Variants in SMYD3 observed in about 807,000 individuals in gnomAD.
The protein encoded by SMYD3 is SET and MYND domain containing 3.
SMYD3 carries 36 observed loss-of-function variants against 57.7 expected under a neutral mutation model. The observed-to-expected ratio is 0.62, with a 90% CI of 0.48 to 0.82. The LOEUF (loss-of-function observed/expected upper bound fraction) is 0.82. SMYD3 is among the 40% of genes least tolerant of loss of function. SMYD3 has a pLI of 0.00. For missense variants in SMYD3, 515 were observed against 538.8 expected, an observed-to-expected ratio of 0.96 and a Z score of 0.44; for synonymous variants, 211 against 195.0, an observed-to-expected ratio of 1.08 and a Z score of -0.68.
chr1:246,315,079 C>G (rs551142502), intron 5 of SMYD3, among the ~76,000 whole-genome samples: 2 of 152,176 alleles, frequency 1.3e-5, no homozygotes, highest in Admixed American at 1.3e-4. Context: ...TTCCCCCTCT[C>G]TAAGCCACAA....
chr1:246,265,087 T>C (rs2064079062), intron 5 of SMYD3, among the ~76,000 whole-genome samples: 1 of 152,234 alleles, frequency 6.6e-6, no homozygotes, highest in Non-Finnish European at 1.5e-5. Context: ...TTAATTGCTC[T>C]TGCACTGTTC....
intron 5 of SMYD3, among the ~76,000 whole-genome samples, chr1:245,948,300 A>C (rs1485739658): frequency 6.6e-6 from 1 of 152,214 alleles, no homozygotes; most frequent in Non-Finnish European, 1.5e-5. Context: ...AACAGAGAAC[A>C]GTGGAATTCA....
chr1:246,471,771 C>A (rs758786470), intron 1 of SMYD3, among the ~76,000 whole-genome samples: 1 of 152,180 alleles, frequency 6.6e-6, no homozygotes. Flanking sequence ...TAGATCATTA[C>A]ATTTGCATAG....
At chr1:246,122,071 A>G (rs969155483) in intron 5 of SMYD3, among the ~76,000 whole-genome samples, 1 of 152,054 alleles carries the variant, frequency 6.6e-6, no homozygotes, top group Non-Finnish European at 1.5e-5. Context: ...TAATTAAAAA[A>G]AAAAAGAATC....
intron 5 of SMYD3, among the ~76,000 whole-genome samples, chr1:246,218,889 C>T (rs544180872): frequency 6.6e-6 from 1 of 152,262 alleles, no homozygotes; most frequent in Non-Finnish European, 1.5e-5. Flanking sequence ...CAATCACATG[C>T]TTCTGGAAAA....
chr1:246,298,935 C>A (rs1399951369), intron 5 of SMYD3, among the ~76,000 whole-genome samples: 1 of 151,978 alleles, frequency 6.6e-6, no homozygotes, highest in Non-Finnish European at 1.5e-5. Context: ...TTAAGATTGG[C>A]AAGGATGAAA....
chr1:246,278,042 GA>G (rs2064368352), intron 5 of SMYD3, among the ~76,000 whole-genome samples: 1 of 152,160 alleles, frequency 6.6e-6, no homozygotes, highest in Non-Finnish European at 1.5e-5. Flanking sequence ...AAACAGAAAT[GA>G]GGAAGGGAGT....
intron 5 of SMYD3, chr1:246,111,233 C>T (rs1259368585): frequency 6.6e-6 from 1 of 152,166 alleles, no homozygotes; most frequent in Non-Finnish European, 1.5e-5. Flanking sequence ...CAGGTGCTTT[C>T]ACCAGTGATG....
chr1:245,761,379 A>C (rs1419048508), intron 11 of SMYD3, among the ~76,000 whole-genome samples: 1 of 152,192 alleles, frequency 6.6e-6, no homozygotes, highest in Admixed American at 6.5e-5. Context: ...TGTAAAGGGC[A>C]GTAAGAGGGT....
intron 11 of SMYD3, among the ~76,000 whole-genome samples, chr1:245,757,503 C>A (rs1037904906): frequency 2.0e-5 from 3 of 151,998 alleles, no homozygotes; most frequent in African/African-American, 7.3e-5. Context: ...ATCACTATGC[C>A]CAATGTCATG....
intron 5 of SMYD3, chr1:246,189,019 T>C (rs1178818080): frequency 6.6e-6 from 1 of 152,002 alleles, no homozygotes; most frequent in Non-Finnish European, 1.5e-5. Flanking sequence ...ATGTTAAAAA[T>C]ATGAAGTGTT....
intron 5 of SMYD3, among the ~76,000 whole-genome samples, chr1:245,993,211 T>C (rs1052233611): frequency 9.8e-5 from 15 of 152,308 alleles, no homozygotes; most frequent in Non-Finnish European, 1.9e-4. Flanking sequence ...CAATGTTCAC[T>C]GCTGTGTAAG....
At chr1:246,381,536 T>C (rs1460331899) in intron 1 of SMYD3, among the ~76,000 whole-genome samples, 1 of 152,142 alleles carries the variant, frequency 6.6e-6, no homozygotes, top group Non-Finnish European at 1.5e-5. Flanking sequence ...GATGTTCTCA[T>C]ACCATGAAGG....
intron 1 of SMYD3, among the ~76,000 whole-genome samples, chr1:246,368,857 A>G (rs1438789848): frequency 1.3e-5 from 2 of 152,176 alleles, no homozygotes; most frequent in African/African-American, 4.8e-5. Context: ...CAAGTTCTTC[A>G]GTTTTGGGAC....
At chr1:246,316,541 G>GTTTT (rs112553747) in intron 5 of SMYD3, among the ~76,000 whole-genome samples, 7 of 107,338 alleles carry the variant, frequency 6.5e-5, no homozygotes, top group African/African-American at 1.1e-4. Context: ...TGTTGTTTTG[G>GTTTT]TTTTTTTTTT....
intron 11 of SMYD3, among the ~76,000 whole-genome samples, chr1:245,754,420 C>T (rs1390121615): frequency 4.6e-5 from 7 of 151,318 alleles, no homozygotes; most frequent in East Asian, 1.9e-4. Context: ...CAAATCACGA[C>T]GGGAAAAAAT....
Position 245,908,378 on chromosome 1 carries a change from CAGAG to C in SMYD3, c.813+7148_813+7151del, listed in dbSNP as rs1158464901. Among the ~76,000 whole-genome samples the C allele has an allele frequency of 5.3e-5, 8 of 152,308 alleles. No homozygotes were observed. The East Asian group carries it at 1.2e-3, about 22-fold the overall frequency. On this transcript the variant is annotated intron_variant, in intron 8 of 11. Coordinates refer to ENST00000490107, the MANE Select transcript of SMYD3 (RefSeq NM_001167740.2). The stretch of plus-strand genomic sequence containing the variant: ...ACAAATATTATTAGGGCTAAATAGA[CAGAG>C]AGACCCCAATACACTAATAGTTGGG...
chr1:245,984,451 AAGGG>A, intron 5 of SMYD3, among the ~76,000 whole-genome samples: 1 of 152,218 alleles, frequency 6.6e-6, no homozygotes, highest in Admixed American at 6.5e-5. Flanking sequence ...CCTCCTGTGC[AAGGG>A]CATGTGCACT....
intron 5 of SMYD3, among the ~76,000 whole-genome samples, chr1:246,176,173 A>G (rs951523788): frequency 6.6e-6 from 1 of 152,138 alleles, no homozygotes; most frequent in African/African-American, 2.4e-5. Context: ...TAACCACAAA[A>G]TAATAATTCT....
Sources: gnomAD v4.1 joint callset for allele counts (sites outside exome capture counted in the v4.1 genomes callset) on GRCh38, gnomAD v4.1.1 for gene constraint, MANE v1.5 for transcripts, NCBI Gene and HGNC (gene_info 2026-07-23, HGNC 2026-07-21) for gene names.